The following RGS3 variants were observed in gnomAD, a reference collection of about 807,000 sequenced individuals.
The protein encoded by RGS3 is regulator of G-protein signalling 3.
A neutral mutation model predicts 132.6 loss-of-function variants in RGS3; 80 were observed. The ratio of observed to expected loss-of-function variants is 0.60; its 90% CI spans 0.50 to 0.73. RGS3 has a LOEUF of 0.73. RGS3 is among the 30% of genes least tolerant of loss of function. The pLI, the probability that RGS3 is intolerant of heterozygous loss-of-function variation, is 0.00. For missense variants in RGS3, 1,382 were observed against 1,530.8 expected, an observed-to-expected ratio of 0.90 and a Z score of 1.62; for synonymous variants, 598 against 620.6, an observed-to-expected ratio of 0.96 and a Z score of 0.54.
At chr9:113,473,028 G>GA (rs1434994858) in intron 3 of RGS3, among the ~76,000 whole-genome samples, 2 of 152,140 alleles carry the variant, frequency 1.3e-5, no homozygotes, top group African/African-American at 4.8e-5. Context: ...GCGACAGAGT[G>GA]AGACTCCATC....
At chr9:113,495,925 T>G in intron 8 of RGS3, 79 bp downstream of exon 6, 1 of 1,274,490 alleles carries the variant, frequency 7.8e-7, no homozygotes, top group African/African-American at 1.5e-5. Flanking sequence ...CTGTCAGCTC[T>G]TGGGCAGGGC....
chr9:113,594,496 C>T (rs61749208), exon 22 of RGS3: 138,165 of 1,613,578 alleles, frequency 0.086, 6,900 homozygotes, highest in Non-Finnish European at 0.095. Flanking sequence ...GAGCCCCTCC[C>T]GCGGGCAAGG....
intron 19 of RGS3, among the ~76,000 whole-genome samples, chr9:113,561,380 T>C (rs943275776): frequency 6.6e-6 from 1 of 151,166 alleles, no homozygotes; most frequent in Non-Finnish European, 1.5e-5. Context: ...TTTTCTTTTC[T>C]TTCTTCTCCC....
chr9:113,491,878 G>A (rs1031750369), intron 7 of RGS3, among the ~76,000 whole-genome samples: 3 of 152,200 alleles, frequency 2.0e-5, no homozygotes, highest in African/African-American at 7.2e-5. Flanking sequence ...TATACTAATA[G>A]TAGGTACATT....
chr9:113,544,727 G>A (rs1217150901), intron 19 of RGS3, among the ~76,000 whole-genome samples: 1 of 152,228 alleles, frequency 6.6e-6, no homozygotes, highest in African/African-American at 2.4e-5. Context: ...GCTCTGAGAA[G>A]TTAAGTGTTT....
In RGS3 at chr9:113,537,043, T is replaced by C; in HGVS notation, c.2037+125T>C. 1 of 858,462 alleles carries C rather than the reference T, an allele frequency of 1.2e-6. No individual in the cohort carries two copies. Among genetic ancestry groups the C allele is most frequent in the Non-Finnish European group, 1.8e-6 (1 of 557,592 alleles). The allele number at this position is 858,462 out of a possible 1,614,324, so 53.2% of individuals were successfully genotyped here. On this transcript the variant is annotated intron_variant, in intron 19 of 24. Transcript: ENST00000350696. This position sits in a 1 kb window ranked among gnomAD's most constrained non-coding sequence, Gnocchi z 4.3. ...TCCAACTTGGCTCTGGGCAATGAGC[T>C]CTTGGCAAGCGGGGACCTGTGCCCG...
chr9:113,462,260 A>G, intron 3 of RGS3: 1 of 1,065,104 alleles, frequency 9.4e-7, no homozygotes, highest in Non-Finnish European at 1.2e-6. Flanking sequence ...TGTTAAAGGC[A>G]GTGTTCACCA....
rs768358797 is a variant in RGS3 at position 113,596,946 on chromosome 9, C to T, written c.3590C>T (p.Pro1197Leu). The T allele has an allele frequency of 1.2e-5, 20 of 1,603,634 alleles. No individual in the cohort carries two copies. The highest frequency in any genetic ancestry group is 3.3e-4 in the Middle Eastern group (2 of 6,032). Residue 1197 changes from proline to leucine, a missense_variant, in exon 25 of 25, where the codon CCG becomes CTG. Physicochemically the swap from Pro to Leu is moderately conservative, Grantham distance 98 (BLOSUM62 -3). Transcript: ENST00000350696. ...ATTAACCAGAAGAAGATGAGTCCCC[C>T]GCTTTAGGGGCCACTGGAGTCGAGC...
At chr9:113,487,910 A>G (rs1404131937) in intron 7 of RGS3, among the ~76,000 whole-genome samples, 1 of 151,990 alleles carries the variant, frequency 6.6e-6, no homozygotes, top group Non-Finnish European at 1.5e-5. Flanking sequence ...ATTACATCCA[A>G]CTCTTCATGG....
chr9:113,489,136 C>T (rs1830428966), intron 7 of RGS3, among the ~76,000 whole-genome samples: 1 of 152,208 alleles, frequency 6.6e-6, no homozygotes, highest in South Asian at 2.1e-4. Context: ...GAAACTGAGG[C>T]TTATGAAAGC....
At chr9:113,575,036 G>A (rs1054539116) in intron 19 of RGS3, among the ~76,000 whole-genome samples, 9 of 152,200 alleles carry the variant, frequency 5.9e-5, no homozygotes, top group Non-Finnish European at 1.2e-4. Flanking sequence ...AGTGGTGTCA[G>A]AAATGGAGGC....
chr9:113,467,387 A>G (rs1829677605), intron 3 of RGS3, among the ~76,000 whole-genome samples: 1 of 152,150 alleles, frequency 6.6e-6, no homozygotes, highest in South Asian at 2.1e-4. Context: ...TTCCTTACCA[A>G]CACTTGTTAT....
chr9:113,593,714 G>A, intron 21 of RGS3: 1 of 596,888 alleles, frequency 1.7e-6, no homozygotes, highest in Non-Finnish European at 3.0e-6. Flanking sequence ...TGAGCAAGAG[G>A]CATTTAACTC....
intron 3 of RGS3, among the ~76,000 whole-genome samples, chr9:113,465,887 GCT>G (rs1480255028): frequency 2.0e-5 from 3 of 152,152 alleles, no homozygotes; most frequent in South Asian, 2.1e-4. Flanking sequence ...TCCTGCACTG[GCT>G]CTGTTTCCCT....
At chr9:113,479,446 C>T (rs754931957) in intron 3 of RGS3, 45 bp from the exon 2 acceptor site, 2 of 1,595,642 alleles carry the variant, frequency 1.3e-6, no homozygotes, top group Admixed American at 1.7e-5. Context: ...CCACCACACC[C>T]ACCAGGGAGC....
chr9:113,558,349 A>G (rs1833651328), intron 19 of RGS3, among the ~76,000 whole-genome samples: 1 of 152,108 alleles, frequency 6.6e-6, no homozygotes, highest in South Asian at 2.1e-4. Flanking sequence ...TAAAAATACA[A>G]AAAATTAGCC....
Position 113,497,422 on chromosome 9 carries a change from TC to T in RGS3, c.841+19del. The T allele has an allele frequency of 1.2e-6, 2 of 1,606,270 alleles. No individual in the cohort carries two copies. The highest frequency in any genetic ancestry group is 1.7e-6 in the Non-Finnish European group (2 of 1,175,250). On this transcript the variant is annotated intron_variant, in intron 9 of 24. Coordinates refer to ENST00000350696, the Ensembl canonical transcript of RGS3. ...GCTGAGAGGTACCTGCACACCCCCT[TC>T]AGCTTCCCTTCCCAGGACCTGCCCC...
chr9:113,566,467 C>G (rs1308760399), intron 19 of RGS3, among the ~76,000 whole-genome samples: 3 of 152,090 alleles, frequency 2.0e-5, no homozygotes, highest in African/African-American at 4.8e-5. Flanking sequence ...CAGGAAGAAC[C>G]CTTGAACCCT....
At chr9:113,547,281 T>C (rs578081640) in intron 19 of RGS3, among the ~76,000 whole-genome samples, 3 of 152,236 alleles carry the variant, frequency 2.0e-5, no homozygotes, top group Non-Finnish European at 4.4e-5. Context: ...TGTATGGCCC[T>C]ATGCAAATGT....
Sources: allele counts gnomAD v4.1 joint callset (sites outside exome capture counted in the v4.1 genomes callset), GRCh38; gene constraint gnomAD v4.1.1; non-coding constraint Gnocchi (gnomAD v3.1); transcripts MANE v1.5; gene names NCBI Gene and HGNC (gene_info 2026-07-23, HGNC 2026-07-21).